PCDHA1: variants seen among roughly 807,000 people sequenced by gnomAD.
PCDHA1 encodes protocadherin alpha-1.
Under a neutral mutation model 61.3 loss-of-function variants are expected in PCDHA1, and 42 were observed. The ratio of observed to expected loss-of-function variants is 0.69; its 90% CI spans 0.54 to 0.89. PCDHA1 has a LOEUF of 0.89. Ranked by LOEUF, PCDHA1 falls within the 40% of genes least tolerant of loss-of-function variation. The probability of loss-of-function intolerance (pLI) is 0.00; values close to 1 mark genes in which losing one functional copy is unlikely to be tolerated. For missense variants in PCDHA1, 1,256 were observed against 1,235.3 expected (o/e 1.02, Z -0.25); for synonymous variants, 610 against 553.8 (o/e 1.10, Z -1.43).
chr5:140,811,628 C>T (rs1375327929), intron 1 of PCDHA1: 2 of 152,200 alleles, frequency 1.3e-5, no homozygotes, highest in African/African-American at 2.4e-5. Flanking sequence ...GGTGTAAAAG[C>T]GTTACTATTT....
At chr5:140,808,356 C>T (rs1554124492) in intron 1 of PCDHA1, 38 of 1,614,212 alleles carry the variant, frequency 2.4e-5, no homozygotes, top group Non-Finnish European at 3.2e-5. Flanking sequence ...TGCTCCTTGA[C>T]GTCCCACGTC....
intron 1 of PCDHA1, among the ~76,000 whole-genome samples, chr5:140,874,129 G>A (rs1400596915): frequency 6.6e-6 from 1 of 151,518 alleles, no homozygotes; most frequent in African/African-American, 2.5e-5. Context: ...GTTTATTTAA[G>A]TTATCTTATA....
At chr5:140,885,236 T>C (rs2060525853) in intron 1 of PCDHA1, among the ~76,000 whole-genome samples, 1 of 152,166 alleles carries the variant, frequency 6.6e-6, no homozygotes, top group Non-Finnish European at 1.5e-5. Context: ...CTGCTTTCAA[T>C]TTTTTATTTG....
At chr5:140,973,800 C>A (rs1554235613) in intron 1 of PCDHA1, among the ~76,000 whole-genome samples, 1 of 152,236 alleles carries the variant, frequency 6.6e-6, no homozygotes, top group Non-Finnish European at 1.5e-5. Context: ...ATGCTGTCTA[C>A]TTGACAGAAT....
intron 1 of PCDHA1, chr5:140,869,236 G>T (rs781873875): frequency 6.2e-7 from 1 of 1,613,674 alleles, no homozygotes; most frequent in South Asian, 1.1e-5. Context: ...CGGCACCTTC[G>T]TGGGCCGCAT....
intron 1 of PCDHA1, chr5:140,796,709 C>A: frequency 3.1e-6 from 5 of 1,613,960 alleles, no homozygotes; most frequent in Non-Finnish European, 4.2e-6. Context: ...GAGCTGGTGC[C>A]GTGGTCGGTG....
At chr5:140,816,910 T>C (rs1766023355) in intron 1 of PCDHA1, 1 of 152,134 alleles carries the variant, frequency 6.6e-6, no homozygotes. Context: ...AGCCCTCAGT[T>C]ATAGATTCTG....
At chr5:140,835,894 T>C in intron 1 of PCDHA1, 1 of 1,612,042 alleles carries the variant, frequency 6.2e-7, no homozygotes, top group Non-Finnish European at 8.5e-7. Context: ...GAGCGCGCGC[T>C]GTCGAGCTAC....
chr5:140,927,486 C>T (rs782314357), intron 1 of PCDHA1: 11 of 1,614,010 alleles, frequency 6.8e-6, no homozygotes, highest in Non-Finnish European at 8.5e-6. Flanking sequence ...AGCGCGCCAC[C>T]CACCTGCTGG....
At chr5:140,935,665 T>C (rs2090490152) in intron 1 of PCDHA1, among the ~76,000 whole-genome samples, 1 of 152,182 alleles carries the variant, frequency 6.6e-6, no homozygotes, top group Non-Finnish European at 1.5e-5. Context: ...TCTTTTATAA[T>C]TATGTGAAAT....
intron 1 of PCDHA1, among the ~76,000 whole-genome samples, chr5:140,790,625 AG>A (rs1562141751): frequency 6.6e-6 from 1 of 152,252 alleles, no homozygotes; most frequent in African/African-American, 2.4e-5. Context: ...CAAACTTTGC[AG>A]GATTATAAAA....
intron 1 of PCDHA1, among the ~76,000 whole-genome samples, chr5:140,892,867 A>G (rs1452797610): frequency 1.3e-5 from 2 of 152,150 alleles, no homozygotes; most frequent in African/African-American, 4.8e-5. Context: ...CTGTGTAGCT[A>G]TAATTTCGTA....
chr5:140,800,374 C>G (rs1762546569), intron 1 of PCDHA1, among the ~76,000 whole-genome samples: 1 of 152,086 alleles, frequency 6.6e-6, no homozygotes, highest in Non-Finnish European at 1.5e-5. Context: ...GAGGGAATTA[C>G]AGACATTCTA....
intron 1 of PCDHA1, chr5:140,877,161 G>A: frequency 6.2e-7 from 1 of 1,613,828 alleles, no homozygotes; most frequent in South Asian, 1.1e-5. Context: ...ACAACGCGCC[G>A]GCACTGCTGG....
At chr5:140,877,048 G>A (rs376952553) in intron 1 of PCDHA1, 2 of 1,612,558 alleles carry the variant, frequency 1.2e-6, no homozygotes, top group East Asian at 2.2e-5. Flanking sequence ...GCTAGACCAC[G>A]AGGAGCTGGA....
At chr5:140,936,144 T>C (rs1386720304) in intron 1 of PCDHA1, among the ~76,000 whole-genome samples, 2 of 152,158 alleles carry the variant, frequency 1.3e-5, no homozygotes, top group African/African-American at 4.8e-5. Flanking sequence ...CTGCCCGCCT[T>C]GGCCTCCTAA....
intron 1 of PCDHA1, chr5:140,876,792 A>T: frequency 6.2e-7 from 1 of 1,614,116 alleles, no homozygotes; most frequent in Non-Finnish European, 8.5e-7. Context: ...CCACGGCTAG[A>T]GTGTCCGTGG....
chr5:140,828,573 A>T (rs1769832342), intron 1 of PCDHA1: 4 of 1,614,248 alleles, frequency 2.5e-6, no homozygotes, highest in Non-Finnish European at 3.4e-6. Context: ...TCCGATGCAG[A>T]TGTTGGCTCA....
chr5:140,883,096 T>G (rs2059436763), intron 1 of PCDHA1: 1 of 1,614,006 alleles, frequency 6.2e-7, no homozygotes, highest in Non-Finnish European at 8.5e-7. Flanking sequence ...CAAATGGAGA[T>G]ATAGTTTACT....
Sources: allele counts gnomAD v4.1 joint callset (sites outside exome capture counted in the v4.1 genomes callset), GRCh38; gene constraint gnomAD v4.1.1; transcripts MANE v1.5; gene names NCBI Gene and HGNC (gene_info 2026-07-23, HGNC 2026-07-21).